SSBP2: variants seen among roughly 807,000 people sequenced by gnomAD.
SSBP2 encodes single stranded DNA binding protein 2.
Under a neutral mutation model 61.8 loss-of-function variants are expected in SSBP2, and 17 were observed. The ratio of observed to expected loss-of-function variants is 0.28; its 90% CI spans 0.19 to 0.41. The LOEUF is 0.41. Among genes scored for constraint, SSBP2 ranks in the 10% least tolerant of loss-of-function variants. SSBP2 has a pLI of 1.00. For synonymous variants in SSBP2, 139 were observed against 141.3 expected, an observed-to-expected ratio of 0.98 and a Z score of 0.12; for missense variants, 310 against 458.7, an observed-to-expected ratio of 0.68 and a Z score of 2.96.
At position 81,533,459 on chromosome 5, in the gene SSBP2, T is replaced by C. The variant is rs542455583; in HGVS notation, c.283-19742A>G. 5.3e-5 allele frequency among the ~76,000 whole-genome samples: 8 copies of C among 152,156 alleles called. No homozygotes were observed. The South Asian group carries it at 1.7e-3, about 32-fold the overall frequency. On this transcript the variant is annotated intron_variant, in intron 4 of 16. Coordinates refer to ENST00000320672, the MANE Select transcript of SSBP2 (RefSeq NM_012446.5). ...AAGAAAACACAGTCAACATCCCTCA[T>C]AAATGTAGACACAAATATCTTTAGC...
At chr5:81,744,070 TACC>T (rs1757202506) in intron 1 of SSBP2, among the ~76,000 whole-genome samples, 1 of 152,186 alleles carries the variant, frequency 6.6e-6, no homozygotes, top group African/African-American at 2.4e-5. Context: ...GAGAAAACAG[TACC>T]TACAGCCTAC....
chr5:81,593,556 G>T (rs554052263), intron 4 of SSBP2, among the ~76,000 whole-genome samples: 1 of 152,130 alleles, frequency 6.6e-6, no homozygotes, highest in Non-Finnish European at 1.5e-5. Context: ...CACCAAAGTT[G>T]AAATGAAGGA....
intron 14 of SSBP2, among the ~76,000 whole-genome samples, chr5:81,438,070 C>T (rs1762784906): frequency 1.3e-5 from 2 of 151,932 alleles, no homozygotes; most frequent in South Asian, 4.2e-4. Context: ...GAAATAGAGA[C>T]CGGGTGCAGT....
At chr5:81,621,638 T>C (rs1324835310) in intron 3 of SSBP2, among the ~76,000 whole-genome samples, 2 of 83,942 alleles carry the variant, frequency 2.4e-5, no homozygotes, top group African/African-American at 1.1e-4. Context: ...ATCATGCTGC[T>C]ATAAAGACAC....
Position 81,634,684 on chromosome 5 carries a change from T to C in SSBP2, c.197+1873A>G, listed in dbSNP as rs578155467. On this transcript the variant is annotated intron_variant, in intron 3 of 16. Transcript: ENST00000320672. ...AATTCAGCCTCATCCCTAATCACTCTATCACCTCAATTTCCAACATAATGA... is the reference window on the plus strand; with the variant it reads ...AATTCAGCCTCATCCCTAATCACTCCATCACCTCAATTTCCAACATAATGA... Among the ~76,000 whole-genome samples, 294 of 152,332 alleles carry C rather than the reference T, an allele frequency of 1.9e-3. 12 individuals are homozygous for C. The South Asian group carries it at 0.059, about 31-fold the overall frequency.
intron 1 of SSBP2, among the ~76,000 whole-genome samples, chr5:81,717,044 A>C (rs1755211605): frequency 6.6e-6 from 1 of 152,222 alleles, no homozygotes. Context: ...ATAAGAAAAT[A>C]GAAGAATATT....
intron 4 of SSBP2, among the ~76,000 whole-genome samples, chr5:81,606,371 C>T (rs903860308): frequency 2.6e-5 from 4 of 152,082 alleles, no homozygotes; most frequent in Non-Finnish European, 5.9e-5. Flanking sequence ...ATTGTGACCT[C>T]CCACAGAGAC....
rs960218111 is a variant in SSBP2, at chr5:81,715,012, C to T, written c.62+35969G>A. ...TTGGAAGATAAAACTGAGGAAATCG[C>T]CCAATAAAGGAAAACCAAAATAGAA... On this transcript the variant is annotated intron_variant, in intron 1 of 16. Transcript: ENST00000320672. Among the ~76,000 whole-genome samples the T allele has an allele frequency of 1.3e-4, 19 of 151,280 alleles. No homozygotes were observed. In the South Asian group the frequency reaches 2.7e-3, roughly 22 times the overall value.
At chr5:81,497,022 T>C (rs934651785) in intron 5 of SSBP2, among the ~76,000 whole-genome samples, 1 of 152,238 alleles carries the variant, frequency 6.6e-6, no homozygotes, top group Non-Finnish European at 1.5e-5. Flanking sequence ...AATGTAGTGG[T>C]ATTTCAGGTA....
At chr5:81,446,980 G>A (rs1365940713) in intron 11 of SSBP2, 58 bp from the exon 12 acceptor site, 7 of 1,278,856 alleles carry the variant, frequency 5.5e-6, no homozygotes, top group African/African-American at 1.5e-5. Flanking sequence ...AAAAACAGAA[G>A]TTAGACTTAT....
intron 4 of SSBP2, 72 bp from the exon 5 acceptor site, chr5:81,513,789 A>T: frequency 1.1e-6 from 1 of 945,472 alleles, no homozygotes; most frequent in Admixed American, 1.9e-5. Flanking sequence ...TAATGATAAT[A>T]GATTGCAGGA....
chr5:81,493,203 C>CA (rs1165446065), intron 5 of SSBP2, among the ~76,000 whole-genome samples: 1 of 150,584 alleles, frequency 6.6e-6, no homozygotes, highest in Non-Finnish European at 1.5e-5. Context: ...TATATATATT[C>CA]AAAAACATAT....
chr5:81,499,180 T>A (rs56236822), intron 5 of SSBP2, among the ~76,000 whole-genome samples: 1,877 of 152,298 alleles, frequency 0.012, 37 homozygotes, highest in African/African-American at 0.043. Flanking sequence ...GCAGTTTATC[T>A]CCCATACATC....
chr5:81,646,152 C>A (rs759352491), intron 2 of SSBP2, among the ~76,000 whole-genome samples: 2 of 152,236 alleles, frequency 1.3e-5, no homozygotes, highest in East Asian at 3.9e-4. Flanking sequence ...CCCAAAAGAA[C>A]AAGCCCATAC....
chr5:81,544,300 G>A (rs923142657), intron 4 of SSBP2, among the ~76,000 whole-genome samples: 3 of 152,080 alleles, frequency 2.0e-5, no homozygotes, highest in Non-Finnish European at 2.9e-5. Flanking sequence ...GCCCCCCTCA[G>A]CCACCCAAGG....
intron 5 of SSBP2, among the ~76,000 whole-genome samples, chr5:81,505,463 T>C (rs527426039): frequency 1.3e-5 from 2 of 152,322 alleles, no homozygotes; most frequent in Admixed American, 1.3e-4. Context: ...TTTAAATGCC[T>C]GTTCCTTATC....
intron 5 of SSBP2, among the ~76,000 whole-genome samples, chr5:81,503,454 A>C (rs1190743230): frequency 6.6e-6 from 1 of 152,140 alleles, no homozygotes; most frequent in Non-Finnish European, 1.5e-5. Context: ...ACTCCATCTC[A>C]AAAAACAAAA....
At chr5:81,459,989 G>A (rs1011072840) in intron 10 of SSBP2, among the ~76,000 whole-genome samples, 3 of 152,066 alleles carry the variant, frequency 2.0e-5, no homozygotes, top group Admixed American at 6.6e-5. Flanking sequence ...AGCAAACATC[G>A]TAGCTATTAA....
chr5:81,723,343 G>T (rs1755666853), intron 1 of SSBP2, among the ~76,000 whole-genome samples: 2 of 151,978 alleles, frequency 1.3e-5, no homozygotes, highest in African/African-American at 2.4e-5. Flanking sequence ...TGTCAATGTA[G>T]TTGATTACTG....
Sources: allele counts gnomAD v4.1 joint callset (sites outside exome capture counted in the v4.1 genomes callset), GRCh38; gene constraint gnomAD v4.1.1; transcripts MANE v1.5; gene names NCBI Gene and HGNC (gene_info 2026-07-23, HGNC 2026-07-21).